The following TSPAN7 variants were observed in gnomAD, a reference collection of about 807,000 sequenced individuals.
TSPAN7 encodes tetraspanin-7.
Under a neutral mutation model 17.6 loss-of-function variants are expected in TSPAN7, and 1 was observed. That is an observed-to-expected ratio of 0.06 (90% CI 0.02 to 0.27). The LOEUF (loss-of-function observed/expected upper bound fraction) is 0.27. Among genes scored for constraint, TSPAN7 ranks in the 10% least tolerant of loss-of-function variants. TSPAN7 has a pLI of 1.00. For synonymous variants in TSPAN7, 78 were observed against 79.0 expected, an observed-to-expected ratio of 0.99 and a Z score of 0.07; for missense variants, 112 against 201.7, an observed-to-expected ratio of 0.56 and a Z score of 2.69.
At chrX:38,654,903 C>T (rs2069693920) in intron 1 of TSPAN7, among the ~76,000 whole-genome samples, 2 of 111,793 alleles carry the variant, frequency 1.8e-5, no homozygotes, top group African/African-American at 6.5e-5. Context: ...GGGAAGGGCT[C>T]ATGGAGGAGC....
At chrX:38,653,770 A>AT (rs772208323) in intron 1 of TSPAN7, among the ~76,000 whole-genome samples, 5 of 111,827 alleles carry the variant, frequency 4.5e-5, no homozygotes, top group South Asian at 3.7e-4. Context: ...GCCTTTTATT[A>AT]TTTTTTTTAT....
At chrX:38,599,591 C>A (rs896041202) in intron 1 of TSPAN7, among the ~76,000 whole-genome samples, 1 of 111,225 alleles carries the variant, frequency 9.0e-6, no homozygotes, top group Non-Finnish European at 1.9e-5. Context: ...AAATAGCCAG[C>A]CTTTTTTGAG....
intron 1 of TSPAN7, among the ~76,000 whole-genome samples, chrX:38,577,948 C>A (rs1017399269): frequency 1.5e-4 from 17 of 110,587 alleles, no homozygotes; most frequent in Non-Finnish European, 2.6e-4. Flanking sequence ...GGCCCCTGGA[C>A]AGCTCTACTG....
At chrX:38,625,070 G>A (rs1477598551) in intron 1 of TSPAN7, among the ~76,000 whole-genome samples, 3 of 111,733 alleles carry the variant, frequency 2.7e-5, no homozygotes, top group Non-Finnish European at 5.6e-5. Context: ...CCCCTTGCCT[G>A]TAAACAGTAT....
At chrX:38,653,510 T>C (rs1191877876) in intron 1 of TSPAN7, among the ~76,000 whole-genome samples, 1 of 112,130 alleles carries the variant, frequency 8.9e-6, no homozygotes, top group Non-Finnish European at 1.9e-5. Context: ...AGAATGTGCT[T>C]GGTGGAAAAC....
chrX:38,594,321 G>A (rs973412405), intron 1 of TSPAN7, among the ~76,000 whole-genome samples: 3 of 111,319 alleles, frequency 2.7e-5, no homozygotes, highest in African/African-American at 3.3e-5. Context: ...TTATTCACTT[G>A]TGATATAATT....
chrX:38,669,485 A>G (rs749819808), intron 2 of TSPAN7, among the ~76,000 whole-genome samples: 5 of 111,723 alleles, frequency 4.5e-5, no homozygotes, highest in Non-Finnish European at 9.4e-5. Context: ...CAATGTTTAC[A>G]TTTGGGAAAA....
chrX:38,596,893 G>A (rs1349622881), intron 1 of TSPAN7, among the ~76,000 whole-genome samples: 1 of 111,102 alleles, frequency 9.0e-6, no homozygotes, highest in Admixed American at 9.6e-5. Flanking sequence ...TTTAAAACCT[G>A]ATTTAAAACT....
intron 1 of TSPAN7, among the ~76,000 whole-genome samples, chrX:38,657,225 T>G (rs2069709979): frequency 8.9e-6 from 1 of 111,820 alleles, no homozygotes; most frequent in African/African-American, 3.3e-5. Context: ...GGTAGAGCTG[T>G]GTGGGCCTCA....
intron 1 of TSPAN7, among the ~76,000 whole-genome samples, chrX:38,620,843 C>T (rs932838835): frequency 1.8e-5 from 2 of 112,355 alleles, no homozygotes; most frequent in African/African-American, 3.2e-5. Context: ...TGCCCCTTGG[C>T]ACGCTGAAAT....
In TSPAN7 at chrX:38,687,926, A is replaced by T. The variant is rs1257151551; in HGVS notation, c.*8-13A>T. ...ACTGGTGAATCACTCACATGTTCTC[A>T]TTTCTCTCTTAGTCTTTCAAGAATG... On this transcript the variant is annotated splice_polypyrimidine_tract_variant and intron_variant, in intron 7 of 7. Transcript: ENST00000378482. 3.4e-6 allele frequency: 1 copy of T among 296,299 alleles called. No individual in the cohort carries two copies. Among genetic ancestry groups the T allele is most frequent in the Non-Finnish European group, 5.9e-6 (1 of 169,743 alleles). The allele number at this position is 296,299 out of a possible 1,213,427, so 24.4% of individuals were successfully genotyped here. A position where few individuals can be genotyped will look rare whatever the true frequency, so the allele number is the denominator to read the frequency against.
In TSPAN7 at chrX:38,633,487, T is replaced by C. The variant is rs1463555681; in HGVS notation, c.82-32634T>C. On this transcript the variant is annotated intron_variant, in intron 1 of 7. Coordinates refer to ENST00000378482, the MANE Select transcript of TSPAN7 (RefSeq NM_004615.4). ...ATAAATGTTAGGTTTAAAAATTTTATGTTAACTATTTAGTGTATTTATAAC... is the reference window on the plus strand; with the variant it reads ...ATAAATGTTAGGTTTAAAAATTTTACGTTAACTATTTAGTGTATTTATAAC... Among the ~76,000 whole-genome samples, 4 of 112,703 alleles carry C rather than the reference T, an allele frequency of 3.5e-5. No homozygotes were observed. The South Asian group carries it at 1.1e-3, about 31-fold the overall frequency.
chrX:38,611,928 T>C (rs1376584595), intron 1 of TSPAN7, among the ~76,000 whole-genome samples: 1 of 111,550 alleles, frequency 9.0e-6, no homozygotes, highest in Non-Finnish European at 1.9e-5. Context: ...TACCCTGACT[T>C]GTCACTCATT....
rs1469201270 is a variant in TSPAN7, at chrX:38,576,794, G to A, written c.81+15167G>A. Among the ~76,000 whole-genome samples, 4 of 112,001 alleles carry A rather than the reference G, an allele frequency of 3.6e-5. No homozygotes were observed. In the East Asian group the frequency reaches 8.4e-4, roughly 23 times the overall value. On this transcript the variant is annotated intron_variant, in intron 1 of 7. Coordinates refer to ENST00000378482, the MANE Select transcript of TSPAN7 (RefSeq NM_004615.4). Reference sequence around the variant, plus strand: ...GCTGTAATAAAAAGTGAGGCATGCAGCAAGTCTAGGTAAGTAGACATAAGC... The same window carrying A: ...GCTGTAATAAAAAGTGAGGCATGCAACAAGTCTAGGTAAGTAGACATAAGC...
intron 6 of TSPAN7, among the ~76,000 whole-genome samples, chrX:38,683,000 A>T (rs1272243949): frequency 9.0e-6 from 1 of 111,363 alleles, no homozygotes; most frequent in Non-Finnish European, 1.9e-5. Flanking sequence ...ATTTGAGGAG[A>T]CCTGTCCCAT....
intron 1 of TSPAN7, among the ~76,000 whole-genome samples, chrX:38,650,186 G>A (rs986429952): frequency 3.6e-5 from 4 of 112,082 alleles, no homozygotes; most frequent in South Asian, 3.7e-4. Context: ...AAGTGCCAGC[G>A]GCTTGTGCTT....
intron 1 of TSPAN7, among the ~76,000 whole-genome samples, chrX:38,620,903 A>G (rs1033506663): frequency 3.6e-5 from 4 of 112,344 alleles, no homozygotes; most frequent in East Asian, 2.8e-4. Context: ...TCTGTTCCCA[A>G]CGTTTAGCAC....
At chrX:38,683,880 T>C (rs2069908570) in intron 6 of TSPAN7, among the ~76,000 whole-genome samples, 1 of 113,239 alleles carries the variant, frequency 8.8e-6, no homozygotes, top group African/African-American at 3.2e-5. Flanking sequence ...AATGTCATAG[T>C]AAAATTTAGC....
chrX:38,613,990 T>C (rs1204456765), intron 1 of TSPAN7, among the ~76,000 whole-genome samples: 1 of 109,136 alleles, frequency 9.2e-6, no homozygotes, highest in African/African-American at 3.3e-5. Flanking sequence ...TTTTTCTTTT[T>C]TTTTTTCATC....
Sources: allele counts gnomAD v4.1 joint callset (sites outside exome capture counted in the v4.1 genomes callset), GRCh38; gene constraint gnomAD v4.1.1; transcripts MANE v1.5; gene names NCBI Gene and HGNC (gene_info 2026-07-23, HGNC 2026-07-21).